PRAMEF4: variants seen among roughly 807,000 people sequenced by gnomAD.
PRAMEF4 encodes the protein RP5-845O24.6.
PRAMEF4 carries 18 observed loss-of-function variants against 34.4 expected under a neutral mutation model. The ratio of observed to expected loss-of-function variants is 0.52; its 90% CI spans 0.36 to 0.78. The LOEUF (loss-of-function observed/expected upper bound fraction) is 0.78, where lower values mean the gene tolerates loss of function less well. PRAMEF4 is among the 30% of genes least tolerant of loss of function. The probability of loss-of-function intolerance (pLI) is 0.00; values close to 1 mark genes in which losing one functional copy is unlikely to be tolerated. For synonymous variants in PRAMEF4, 156 were observed against 219.3 expected (o/e 0.71, Z 2.55); for missense variants, 482 against 569.1 (o/e 0.85, Z 1.56).
At chr1:12,886,097 G>A (rs200190927) in intron 1 of PRAMEF4, 50 bp downstream of exon 1, 1 of 132,942 alleles carries the variant, frequency 7.5e-6, no homozygotes, top group African/African-American at 3.0e-5. Flanking sequence ...ATCCCAGACC[G>A]ACTGACTGTA....
At chr1:12,882,589 C>T (rs533505493) in intron 2 of PRAMEF4, among the ~76,000 whole-genome samples, 154 bp from the exon 3 acceptor site, 2 of 147,762 alleles carry the variant, frequency 1.4e-5, no homozygotes, top group South Asian at 4.4e-4. Context: ...CCCACTTCCA[C>T]ATTGTTTTGT....
intron 1 of PRAMEF4, among the ~76,000 whole-genome samples, chr1:12,885,018 C>A (rs2100428171): frequency 1.3e-5 from 2 of 150,570 alleles, no homozygotes; most frequent in South Asian, 2.1e-4. Context: ...TTGGCCACAT[C>A]AAATTTATCA....
At position 12,882,152 on chromosome 1, in the gene PRAMEF4, G is replaced by T. The variant is rs748168347; in HGVS notation, c.577C>A (p.Pro193Thr). 1.3e-6 allele frequency: 2 copies of T among 1,581,498 alleles called. No homozygotes were observed. The highest frequency in any genetic ancestry group is 2.2e-5 in the East Asian group (1 of 44,552). Residue 193 changes from proline (P) to threonine (T), a missense_variant, in exon 3 of 4, where the codon CCC becomes ACC. Transcript: ENST00000235349. Reference protein sequence around the residue: ...CCKKLKILGMPFRNIRSILKM... With the variant: ...CCKKLKILGMTFRNIRSILKM... ...AGGATGCTTCTGATATTGCGGAAGG[G>T]CATTCCCAAAATTTTCAGCTTCTTA...
intron 1 of PRAMEF4, among the ~76,000 whole-genome samples, chr1:12,884,439 G>A (rs1226617919): frequency 1.3e-5 from 2 of 149,546 alleles, no homozygotes; most frequent in South Asian, 4.3e-4. Context: ...CTTTGGCTGG[G>A]TGCAGTGACT....
At chr1:12,882,844 A>T (rs2982182) in intron 2 of PRAMEF4, among the ~76,000 whole-genome samples, 9,873 of 137,890 alleles carry the variant, frequency 0.072, 1,209 homozygotes, top group African/African-American at 0.23. Context: ...TGTGCTGGGA[A>T]TACATTGTGA....
intron 1 of PRAMEF4, 125 bp from the exon 2 acceptor site, chr1:12,883,535 C>T (rs1308688075): frequency 1.6e-6 from 2 of 1,272,738 alleles, no homozygotes; most frequent in African/African-American, 3.0e-5. Flanking sequence ...TACTCCAATT[C>T]TACTCTGTAC....
intron 2 of PRAMEF4, among the ~76,000 whole-genome samples, 155 bp from the exon 3 acceptor site, chr1:12,882,590 A>C (rs1640913008): frequency 6.9e-6 from 1 of 144,280 alleles, no homozygotes; most frequent in Non-Finnish European, 1.5e-5. Flanking sequence ...CCACTTCCAC[A>C]TTGTTTTGTT....
Position 12,882,042 on chromosome 1 carries a change from G to T in PRAMEF4, c.687C>A (p.Tyr229Ter). The T allele has an allele frequency of 6.3e-7, 1 of 1,590,322 alleles. No individual in the cohort carries two copies. The highest frequency in any genetic ancestry group is 8.5e-7 in the Non-Finnish European group (1 of 1,173,482). Residue 229 changes from tyrosine (Y) to a stop codon, truncating the protein, a stop_gained, in exon 3 of 4, where the codon TAC becomes TAA. Transcript: ENST00000235349. LOFTEE classifies it high-confidence loss of function. ...TCTGAAGATTCCTCATGTGGCCCAGGTATGGGGTAAACTGTGTCAGGATGG... is the reference window on the plus strand; with the variant it reads ...TCTGAAGATTCCTCATGTGGCCCAGTTATGGGGTAAACTGTGTCAGGATGG... The part of the protein sequence containing the change: ...VLPILTQFTP[Y>*]LGHMRNLQKL...
At chr1:12,881,082 T>G (rs140167317) in intron 3 of PRAMEF4, among the ~76,000 whole-genome samples, 3,672 of 148,260 alleles carry the variant, frequency 0.025, 478 homozygotes, top group African/African-American at 0.088. Context: ...AATTATCTTG[T>G]TGGCTGGGCG....
rs147833386 is a variant in PRAMEF4 at position 12,883,328 on chromosome 1, G to C, written c.67C>G (p.Gln23Glu). ...TCCAGGGTGGACATGGCCAAAGCTT[G>C]GTCCCTTAGCAGGCTCCGCCCTGCA... ...ELAGRSLLRD[Q>E]ALAMSTLEEL... The change falls in exon 2 of 4, where the codon CAA becomes GAA. Residue 23 changes from glutamine (Q) to glutamate (E), a missense_variant. Physicochemically the swap from Gln to Glu is conservative, Grantham distance 29. This residue lies in a region of PRAMEF4 where 172 missense variants were observed against 130.2 expected (regional missense o/e 1.32). Coordinates refer to ENST00000235349, the MANE Select transcript of PRAMEF4 (RefSeq NM_001009611.4). 2.6e-4 allele frequency: 412 copies of C among 1,600,112 alleles called. 29 individuals are homozygous for C. Among genetic ancestry groups the C allele is most frequent in the Non-Finnish European group, 3.3e-4 (387 of 1,173,218 alleles).
chr1:12,879,374 A>T lies in PRAMEF4; in HGVS notation c.*170T>A, dbSNP rs1383368787. ...AAAGTCCCATCGAATCCATGGCAAC[A>T]TTTCCCCCAAGTCCGGCCCCTGCTT... On this transcript the variant is annotated 3_prime_UTR_variant, in exon 4 of 4. Transcript: ENST00000235349. The T allele has an allele frequency of 9.6e-6, 7 of 732,602 alleles. No individual in the cohort carries two copies. In the East Asian group the frequency reaches 1.9e-4, roughly 20 times the overall value. The allele number at this position is 732,602 out of a possible 1,614,324, so 45.4% of individuals were successfully genotyped here.
At position 12,883,411 on chromosome 1, in the gene PRAMEF4, C is replaced by A; in HGVS notation, c.-16-1G>T. The A allele has an allele frequency of 6.3e-7, 1 of 1,595,276 alleles. No homozygotes were observed. The highest frequency in any genetic ancestry group is 8.5e-7 in the Non-Finnish European group (1 of 1,170,988). On this transcript the variant is annotated splice_acceptor_variant, in intron 1 of 3. Coordinates refer to ENST00000235349, the MANE Select transcript of PRAMEF4 (RefSeq NM_001009611.4). LOFTEE classifies it low-confidence loss of function (5UTR_SPLICE). ...CATCTTCATGAATCTGCAGGGAAAACTTCCAGAGGACAAACCCAGAGAAAA... is the reference window on the plus strand; with the variant it reads ...CATCTTCATGAATCTGCAGGGAAAAATTCCAGAGGACAAACCCAGAGAAAA...
At position 12,882,866 on chromosome 1, in the gene PRAMEF4, C is replaced by T. The variant is rs533886214; in HGVS notation, c.293+236G>A. ...GGAATACATTGTGAGCCACCGTGCC[C>T]GGCCCAGTTCTCACTTTTCATGGTG... On this transcript the variant is annotated intron_variant, in intron 2 of 3. Transcript: ENST00000235349. Among the ~76,000 whole-genome samples the T allele has an allele frequency of 1.6e-4, 24 of 147,550 alleles. 3 individuals carry two copies. Among genetic ancestry groups the T allele is most frequent in the East Asian group, 4.0e-4 (2 of 5,058 alleles).
At position 12,879,701 on chromosome 1, in the gene PRAMEF4, G is replaced by A. The variant is rs200180897; in HGVS notation, c.1280C>T (p.Thr427Ile). The A allele has an allele frequency of 7.2e-5, 116 of 1,601,734 alleles. 6 individuals carry two copies. Among genetic ancestry groups the A allele is most frequent in the Non-Finnish European group, 9.4e-5 (111 of 1,174,920 alleles). ...APRESYGADG[T>I]LCWSRFAQIR... ...TTGAGCAAATCTGCTCCAGCAGAGAGTACCATCAGCACCATAACTCTCCCG... is the reference window on the plus strand; with the variant it reads ...TTGAGCAAATCTGCTCCAGCAGAGAATACCATCAGCACCATAACTCTCCCG... Residue 427 changes from threonine (T) to isoleucine (I), a missense_variant, in exon 4 of 4, where the codon ACT (threonine) becomes ATT (isoleucine). Around this residue, in one of 6 missense-constraint regions of PRAMEF4, gnomAD observed 116 missense variants for 105.2 expected, o/e 1.10. Transcript: ENST00000235349.
chr1:12,884,761 T>C (rs3923438), intron 1 of PRAMEF4, among the ~76,000 whole-genome samples: 14,116 of 146,374 alleles, frequency 0.096, 739 homozygotes, highest in African/African-American at 0.1. Context: ...CTCTACCCAG[T>C]TAATCCTTAT....
intron 1 of PRAMEF4, among the ~76,000 whole-genome samples, chr1:12,884,706 T>TCA (rs1640961573): frequency 2.0e-5 from 3 of 147,594 alleles, no homozygotes; most frequent in African/African-American, 7.6e-5. Context: ...TAGGCTAGAT[T>TCA]GAACAGAGAG....
rs200810470 is a variant in PRAMEF4, at chr1:12,879,681, C to G, written c.1300G>C (p.Ala434Pro). ...ADGTLCWSRF[A>P]QIRAELMNRV... is the part of the protein sequence containing the mutation. ...TTCATCAGCTCAGCCCTAATTTGAG[C>G]AAATCTGCTCCAGCAGAGAGTACCA... is the stretch of plus-strand genomic sequence containing the variant. Residue 434 changes from alanine (A) to proline (P), a missense_variant, in exon 4 of 4, where the codon GCT becomes CCT. Ala to Pro is a conservative substitution (Grantham distance 27). Transcript: ENST00000235349. 1.3e-4 allele frequency: 204 copies of G among 1,602,160 alleles called. 8 individuals are homozygous for G. Among genetic ancestry groups the G allele is most frequent in the Admixed American group, 3.3e-4 (19 of 57,586 alleles).
rs773375178 is a variant in PRAMEF4, at chr1:12,879,749, C to A, written c.1232G>T (p.Cys411Phe). 2.5e-6 allele frequency: 4 copies of A among 1,602,946 alleles called. No homozygotes were observed. The African/African-American group carries it at 5.5e-5, about 22-fold the overall frequency. ...LSHTIILKNLCVELYPAPRES... is the reference protein window; with the variant it reads ...LSHTIILKNLFVELYPAPRES... ...CCGGGGGGCAGGATACAGCTCCACG[C>A]ATAAGTTTTTGAGTATGATTGTGTG... The change falls in exon 4 of 4, where the codon TGC becomes TTC. Residue 411 changes from cysteine (C) to phenylalanine (F), a missense_variant. By Grantham distance (205) the Cys-to-Phe change is radical. Coordinates refer to ENST00000235349, the MANE Select transcript of PRAMEF4 (RefSeq NM_001009611.4).
Position 12,881,869 on chromosome 1 carries a change from A to C in PRAMEF4, c.860T>G (p.Leu287Arg). 6.3e-7 allele frequency: 1 copy of C among 1,595,488 alleles called. No homozygotes were observed. Among genetic ancestry groups the C allele is most frequent in the Non-Finnish European group, 8.5e-7 (1 of 1,174,006 alleles). ...CCTCCCTCACCTGAGCAGCTGGTCC[A>C]GGTGGCCTTCGAGGAAAGAAACAGA... ...MNSVSFLEGH[L>R]DQLLSCLKTS... The change falls in exon 3 of 4, where the codon CTG (leucine) becomes CGG (arginine). Residue 287 changes from leucine (L) to arginine (R), a missense_variant. This residue lies in a region of PRAMEF4 where 35 missense variants were observed against 109.2 expected (regional missense o/e 0.32). Coordinates refer to ENST00000235349, the MANE Select transcript of PRAMEF4 (RefSeq NM_001009611.4).
Sources: allele counts gnomAD v4.1 joint callset (sites outside exome capture counted in the v4.1 genomes callset), GRCh38; gene constraint gnomAD v4.1.1; regional missense constraint gnomAD v4.1.1; transcripts MANE v1.5; gene names NCBI Gene and HGNC (gene_info 2026-07-23, HGNC 2026-07-21).